The following HPSE2 variants were observed in gnomAD, a reference collection of about 807,000 sequenced individuals.
The protein encoded by HPSE2 is heparanase 2 (inactive).
Under a neutral mutation model 60.5 loss-of-function variants are expected in HPSE2, and 38 were observed. The observed-to-expected ratio is 0.63, with a 90% CI of 0.48 to 0.82. The LOEUF is 0.82. Among genes scored for constraint, HPSE2 ranks in the 40% least tolerant of loss-of-function variants. The pLI is 0.00. For synonymous variants in HPSE2, 295 were observed against 293.2 expected (o/e 1.01, Z -0.06); for missense variants, 713 against 740.4 (o/e 0.96, Z 0.43).
intron 3 of HPSE2, among the ~76,000 whole-genome samples, chr10:98,831,355 G>GAAAT (rs1297422580): frequency 1.3e-5 from 2 of 152,096 alleles, no homozygotes; most frequent in East Asian, 3.9e-4. Flanking sequence ...CTTTAAGTGG[G>GAAAT]AAATAAAAAC....
intron 3 of HPSE2, among the ~76,000 whole-genome samples, chr10:98,927,473 A>G (rs1365809990): frequency 1.3e-5 from 2 of 149,406 alleles, no homozygotes; most frequent in Non-Finnish European, 3.0e-5. Context: ...TCTTCACAGA[A>G]TTGGAAAAAA....
intron 2 of HPSE2, among the ~76,000 whole-genome samples, chr10:99,230,815 T>C (rs763773087): frequency 6.6e-6 from 1 of 152,144 alleles, no homozygotes; most frequent in East Asian, 1.9e-4. Flanking sequence ...TTCAAATGGA[T>C]TGGAAGAAGA....
rs1280835376 is a variant in HPSE2 at position 99,235,639 on chromosome 10, A to C, written c.164T>G (p.Leu55Trp). 2 of 1,614,044 alleles carry C rather than the reference A, an allele frequency of 1.2e-6. No homozygotes were observed. The highest frequency in any genetic ancestry group is 3.3e-5 in the Admixed American group (2 of 60,004). Residue 55 changes from leucine to tryptophan, a missense_variant, in exon 1 of 12, where the codon TTG (leucine) becomes TGG (tryptophan). By Grantham distance (61) the Leu-to-Trp change is moderately conservative. Transcript: ENST00000370552. ...RPLPVDRAAG[L>W]KEKTLILLDV... ...AAGTAGAATCAGGGTCTTTTCCTTC[A>C]AACCTGCAGCTCTGTCTACAGGCAA...
At chr10:98,668,036 G>A (rs1419579966) in intron 6 of HPSE2, among the ~76,000 whole-genome samples, 1 of 151,880 alleles carries the variant, frequency 6.6e-6, no homozygotes, top group East Asian at 1.9e-4. Context: ...AAACCCAAAA[G>A]GCTCCTGGAA....
intron 3 of HPSE2, among the ~76,000 whole-genome samples, chr10:99,067,226 G>A (rs2862509): frequency 0.49 from 73,959 of 151,986 alleles, 20,368 homozygotes; most frequent in East Asian, 0.65. Context: ...ACAGGCTGGC[G>A]CTGAGTGTCT....
chr10:98,753,334 CAGT>C (rs143165578), intron 3 of HPSE2, among the ~76,000 whole-genome samples: 2,082 of 152,224 alleles, frequency 0.014, 50 homozygotes, highest in African/African-American at 0.048. Context: ...CTGTGGAAAA[CAGT>C]GGTGGTTTCT....
At chr10:98,960,730 T>TTTTTTTTTTTTTTTTTTTATTTTG (rs1955647062) in intron 3 of HPSE2, among the ~76,000 whole-genome samples, 2 of 24,798 alleles carry the variant, frequency 8.1e-5, no homozygotes, top group Non-Finnish European at 1.8e-4. Flanking sequence ...TGTTTTATTT[T>TTTTTTTTTTTTTTTTTTTATTTTG]TTTTATTTTA....
At chr10:99,287,346 C>T in the HPSE2 span, among the ~76,000 whole-genome samples, 1 of 151,996 alleles carries the variant, frequency 6.6e-6, no homozygotes, top group Non-Finnish European at 1.5e-5. Flanking sequence ...GCAGGAAGAA[C>T]CTCAAGCTAG....
chr10:98,683,378 T>C (rs1261476503), intron 6 of HPSE2, among the ~76,000 whole-genome samples: 2 of 130,034 alleles, frequency 1.5e-5, no homozygotes, highest in Admixed American at 7.6e-5. Context: ...AACTACCTAC[T>C]GGAAAAGCAA....
chr10:99,287,664 A>T, the HPSE2 span, among the ~76,000 whole-genome samples: 2 of 152,192 alleles, frequency 1.3e-5, no homozygotes, highest in Non-Finnish European at 1.5e-5. Flanking sequence ...CCAACTTCAA[A>T]CATTTACCTT....
chr10:99,095,940 A>G (rs901953382), intron 3 of HPSE2, among the ~76,000 whole-genome samples: 1 of 152,198 alleles, frequency 6.6e-6, no homozygotes, highest in African/African-American at 2.4e-5. Context: ...CTTGTATACA[A>G]TGGACGGTGG....
At chr10:98,766,849 T>C (rs1265452092) in intron 3 of HPSE2, among the ~76,000 whole-genome samples, 1 of 151,978 alleles carries the variant, frequency 6.6e-6, no homozygotes, top group Non-Finnish European at 1.5e-5. Flanking sequence ...CACCTGAGCC[T>C]GGGAGGTCGA....
intron 3 of HPSE2, among the ~76,000 whole-genome samples, chr10:98,984,662 G>A (rs1028468092): frequency 6.6e-6 from 1 of 152,202 alleles, no homozygotes; most frequent in Non-Finnish European, 1.5e-5. Context: ...GACGAGTTGA[G>A]AGAAGAAGGC....
chr10:99,125,103 C>G (rs1379111087), intron 3 of HPSE2, among the ~76,000 whole-genome samples: 1 of 152,178 alleles, frequency 6.6e-6, no homozygotes, highest in Non-Finnish European at 1.5e-5. Context: ...ATTACCCATG[C>G]CCCCAATCAG....
chr10:98,696,724 G>C (rs1948230682), intron 5 of HPSE2, among the ~76,000 whole-genome samples: 1 of 152,168 alleles, frequency 6.6e-6, no homozygotes, highest in Non-Finnish European at 1.5e-5. Context: ...AAGCCTTTGA[G>C]CTCCTTAGGG....
At position 98,472,711 on chromosome 10, in the gene HPSE2, C is replaced by A. The variant is rs1940829182; in HGVS notation, c.1613+9925G>T. Among the ~76,000 whole-genome samples the A allele has an allele frequency of 2.0e-5, 3 of 152,004 alleles. No individual in the cohort carries two copies. In the South Asian group the frequency reaches 6.2e-4, roughly 32 times the overall value. On this transcript the variant is annotated intron_variant, in intron 11 of 11. Coordinates refer to ENST00000370552, the MANE Select transcript of HPSE2 (RefSeq NM_021828.5). ...AAGAATCTGGAAGAAAATAAAGATG[C>A]ATATTGATCTGATTTCAAGAATGTA...
chr10:98,737,433 G>A (rs1949386443), intron 4 of HPSE2, among the ~76,000 whole-genome samples: 1 of 137,804 alleles, frequency 7.3e-6, no homozygotes, highest in Non-Finnish European at 1.6e-5. Flanking sequence ...TTAGACAGTG[G>A]GTGCAGCCCA....
intron 2 of HPSE2, among the ~76,000 whole-genome samples, chr10:99,177,312 A>G (rs1847564924): frequency 6.6e-6 from 1 of 152,182 alleles, no homozygotes; most frequent in African/African-American, 2.4e-5. Context: ...ACCCCAGTTA[A>G]AAGACACAGA....
At chr10:98,517,530 C>T (rs957441850) in intron 9 of HPSE2, among the ~76,000 whole-genome samples, 6 of 152,176 alleles carry the variant, frequency 3.9e-5, no homozygotes, top group African/African-American at 1.4e-4. Context: ...GAAAGTGTCC[C>T]ATTAACCTAA....
Sources: gnomAD v4.1 joint callset for allele counts (sites outside exome capture counted in the v4.1 genomes callset) on GRCh38, gnomAD v4.1.1 for gene constraint, MANE v1.5 for transcripts, NCBI Gene and HGNC (gene_info 2026-07-23, HGNC 2026-07-21) for gene names.